The following MAPKAPK5 variants were observed in gnomAD, a reference collection of about 807,000 sequenced individuals.
The protein encoded by MAPKAPK5 is MAPK activated protein kinase 5.
In MAPKAPK5, 30 loss-of-function variants were observed where a neutral mutation model predicts 65.1. The observed-to-expected ratio is 0.46, with a 90% CI of 0.34 to 0.63. MAPKAPK5 has a LOEUF of 0.63. Among genes scored for constraint, MAPKAPK5 ranks in the 20% least tolerant of loss-of-function variants. The pLI, the probability that MAPKAPK5 is intolerant of heterozygous loss-of-function variation, is 0.01. For missense variants in MAPKAPK5, 433 were observed against 581.4 expected (o/e 0.74, Z 2.63); for synonymous variants, 179 against 204.6 (o/e 0.87, Z 1.07).
chr12:111,889,072 G>C, intron 12 of MAPKAPK5, 72 bp downstream of exon 12: 1 of 1,471,294 alleles, frequency 6.8e-7, no homozygotes. Context: ...GTGGGTGTAT[G>C]CATGCACATG....
At chr12:111,859,627 T>TTTC (rs2069360942) in intron 1 of MAPKAPK5, among the ~76,000 whole-genome samples, 2 of 143,226 alleles carry the variant, frequency 1.4e-5, no homozygotes, top group Non-Finnish European at 1.5e-5. Context: ...AGCACTTCTT[T>TTTC]TTTTCTTTTC....
At chr12:111,866,678 C>T (rs982344100) in intron 3 of MAPKAPK5, among the ~76,000 whole-genome samples, 24 of 151,992 alleles carry the variant, frequency 1.6e-4, no homozygotes, top group African/African-American at 5.3e-4. Context: ...GGCGCAATCT[C>T]GGCTTACGGC....
intron 10 of MAPKAPK5, among the ~76,000 whole-genome samples, chr12:111,887,135 G>A (rs916601461): frequency 1.3e-5 from 2 of 152,262 alleles, no homozygotes; most frequent in Admixed American, 6.5e-5. Context: ...AGCTCAAAGC[G>A]GTGACACAGA....
chr12:111,860,197 A>T (rs2069389677), intron 1 of MAPKAPK5, among the ~76,000 whole-genome samples: 1 of 152,192 alleles, frequency 6.6e-6, no homozygotes, highest in South Asian at 2.1e-4. Context: ...TCAGCCCCTG[A>T]GGCTTTTACC....
chr12:111,900,456 G>GA lies in MAPKAPK5; in HGVS notation c.*7398dup, dbSNP rs1281298462. 6.6e-6 allele frequency: 3 copies of GA among 451,778 alleles called. No individual in the cohort carries two copies. Among genetic ancestry groups the GA allele is most frequent in the South Asian group, 1.5e-5 (1 of 64,538 alleles). The allele number at this position is 451,778 out of a possible 1,614,324, so 28.0% of individuals were successfully genotyped here. ...CCTCATGCATGAAAATATCACAAAAGAAAGTGGCTTCAGCAGCTGCAGCTC... is the reference window on the plus strand; with the variant it reads ...CCTCATGCATGAAAATATCACAAAAGAAAAGTGGCTTCAGCAGCTGCAGCTC... On this transcript the variant is annotated 3_prime_UTR_variant, in exon 14 of 14. Transcript: ENST00000550735.
At chr12:111,843,193 A>C (rs2068784081) in intron 1 of MAPKAPK5, 1 of 398,532 alleles carries the variant, frequency 2.5e-6, no homozygotes, top group African/African-American at 2.1e-5. Flanking sequence ...AGCCTTCTGG[A>C]AATCTGCAGT....
chr12:111,891,858 G>T (rs1404967597), intron 13 of MAPKAPK5, among the ~76,000 whole-genome samples: 1 of 151,368 alleles, frequency 6.6e-6, no homozygotes, highest in Non-Finnish European at 1.5e-5. Flanking sequence ...TTAGAAAAGT[G>T]ATCACATATG....
chr12:111,851,621 TG>T (rs568031273), intron 1 of MAPKAPK5, among the ~76,000 whole-genome samples: 56 of 152,194 alleles, frequency 3.7e-4, no homozygotes, highest in Non-Finnish European at 7.1e-4. Flanking sequence ...CTGCCGCACC[TG>T]GTCCAGGACT....
At chr12:111,888,298 C>G in intron 10 of MAPKAPK5, 190 bp from the exon 11 acceptor site, 1 of 638,516 alleles carries the variant, frequency 1.6e-6, no homozygotes, top group South Asian at 2.2e-5. Context: ...CTTTGGTTGG[C>G]CTGGTGTTTC....
intron 1 of MAPKAPK5, among the ~76,000 whole-genome samples, chr12:111,850,821 C>T (rs1469841484): frequency 6.6e-6 from 1 of 152,072 alleles, no homozygotes; most frequent in Non-Finnish European, 1.5e-5. Flanking sequence ...AACCTCTGAG[C>T]CTTCAAGGGA....
chr12:111,879,376 CT>C (rs2070109469), intron 7 of MAPKAPK5: 2 of 144,764 alleles, frequency 1.4e-5, no homozygotes, highest in Admixed American at 6.9e-5. Flanking sequence ...TGCATGGAGA[CT>C]TTAGAGTAGG....
chr12:111,875,291 A>C (rs1176205247), intron 7 of MAPKAPK5, among the ~76,000 whole-genome samples: 1 of 151,606 alleles, frequency 6.6e-6, no homozygotes, highest in Non-Finnish European at 1.5e-5. Flanking sequence ...GCTGAGTGTG[A>C]GTTTTGTTGT....
intron 10 of MAPKAPK5, among the ~76,000 whole-genome samples, chr12:111,886,604 C>T (rs1010310394): frequency 2.6e-5 from 4 of 152,362 alleles, no homozygotes; most frequent in African/African-American, 9.6e-5. Flanking sequence ...AACGCCCATG[C>T]GTGGCGAACA....
chr12:111,879,629 C>A (rs1045685722), intron 7 of MAPKAPK5: 1 of 152,266 alleles, frequency 6.6e-6, no homozygotes, highest in African/African-American at 2.4e-5. Context: ...ACCTCATGAT[C>A]TGCCTGCCTT....
chr12:111,850,972 C>T (rs1212895957), intron 1 of MAPKAPK5, among the ~76,000 whole-genome samples: 1 of 150,774 alleles, frequency 6.6e-6, no homozygotes, highest in Non-Finnish European at 1.5e-5. Flanking sequence ...GATCGCGGCT[C>T]ACTGCAAGCT....
At chr12:111,847,748 C>A (rs1345824294) in intron 1 of MAPKAPK5, among the ~76,000 whole-genome samples, 1 of 152,106 alleles carries the variant, frequency 6.6e-6, no homozygotes, top group East Asian at 1.9e-4. Context: ...TATTTCCATC[C>A]CTGCTAGAAA....
chr12:111,869,815 G>A (rs540601884), intron 5 of MAPKAPK5, among the ~76,000 whole-genome samples: 8 of 152,332 alleles, frequency 5.3e-5, no homozygotes, highest in Non-Finnish European at 1.0e-4. Flanking sequence ...TGAGTTTCCA[G>A]TATGAATTGG....
chr12:111,851,098 A>G (rs1201913421), intron 1 of MAPKAPK5, among the ~76,000 whole-genome samples: 4 of 151,960 alleles, frequency 2.6e-5, no homozygotes, highest in Admixed American at 6.6e-5. Flanking sequence ...GGGTTTCAGC[A>G]TGTTGGCCAG....
At chr12:111,872,732 TCTTC>T (rs2069824334) in intron 7 of MAPKAPK5, among the ~76,000 whole-genome samples, 1 of 152,206 alleles carries the variant, frequency 6.6e-6, no homozygotes, top group Non-Finnish European at 1.5e-5. Context: ...GCTTGTAGCC[TCTTC>T]CTTCATCATC....
Sources: gnomAD v4.1 joint callset for allele counts (sites outside exome capture counted in the v4.1 genomes callset) on GRCh38, gnomAD v4.1.1 for gene constraint, MANE v1.5 for transcripts, NCBI Gene and HGNC (gene_info 2026-07-23, HGNC 2026-07-21) for gene names.